Variants in IGSF3 observed in about 807,000 individuals in gnomAD.
IGSF3 encodes the protein glu-Trp-Ile EWI motif-containing protein 3.
In IGSF3, 23 loss-of-function variants were observed where a neutral mutation model predicts 114.4. The observed-to-expected ratio is 0.20, with a 90% CI of 0.14 to 0.28. The LOEUF is 0.28. Among genes scored for constraint, IGSF3 ranks in the 10% least tolerant of loss-of-function variants. IGSF3 has a pLI of 1.00. For missense variants in IGSF3, 1,172 were observed against 1,591.5 expected, an observed-to-expected ratio of 0.74 and a Z score of 4.48; for synonymous variants, 571 against 645.2, an observed-to-expected ratio of 0.88 and a Z score of 1.74.
At chr1:116,645,336 G>A (rs990583733) in intron 2 of IGSF3, among the ~76,000 whole-genome samples, 6 of 152,232 alleles carry the variant, frequency 3.9e-5, no homozygotes, top group African/African-American at 1.2e-4. Context: ...GGTCCCCTGA[G>A]GCTGGGGTCC....
chr1:116,605,330 C>A lies in IGSF3; in HGVS notation c.1223-1305G>T, dbSNP rs186474425. On this transcript the variant is annotated intron_variant, in intron 5 of 10. Transcript: ENST00000369486. The surrounding 1 kb of genome is among the most constrained non-coding windows in gnomAD (Gnocchi z 5.1). ...TTTCCCCAACAAGCAGAAACAAAGA[C>A]GAGCACTGAGCCTCCACATGTAGCT... Among the ~76,000 whole-genome samples the A allele has an allele frequency of 1.5e-4, 23 of 151,930 alleles. No individual in the cohort carries two copies. Among genetic ancestry groups the A allele is most frequent in the Non-Finnish European group, 7.4e-5 (5 of 68,008 alleles).
chr1:116,661,897 T>A lies in IGSF3; in HGVS notation c.43+4387A>T, dbSNP rs1649133056. On this transcript the variant is annotated intron_variant, in intron 2 of 10. Coordinates refer to ENST00000369486, the MANE Select transcript of IGSF3 (RefSeq NM_001007237.3). This position sits in a 1 kb window ranked among gnomAD's most constrained non-coding sequence, Gnocchi z 4.0. ...AGTGATGTATATAACTTCCAGGAAG[T>A]ATCCTTACATTAAGAGGTCCTACCC... 6.6e-6 allele frequency among the ~76,000 whole-genome samples: 1 copy of A among 152,154 alleles called. No homozygotes were observed.
At chr1:116,606,486 A>G in intron 5 of IGSF3, 2 of 1,607,784 alleles carry the variant, frequency 1.2e-6, no homozygotes, top group Non-Finnish European at 1.7e-6. Flanking sequence ...TCTTCGGCAG[A>G]CTTACCCAAG....
intron 2 of IGSF3, among the ~76,000 whole-genome samples, chr1:116,621,012 G>T (rs543487966): frequency 2.6e-5 from 4 of 152,252 alleles, no homozygotes; most frequent in Non-Finnish European, 5.9e-5. Flanking sequence ...GGGCCTGGTG[G>T]GAGGTGACCG....
intron 2 of IGSF3, among the ~76,000 whole-genome samples, chr1:116,639,464 A>G (rs568611320): frequency 1.3e-5 from 2 of 152,306 alleles, no homozygotes; most frequent in South Asian, 2.1e-4. Context: ...ACAGGTGTGG[A>G]GACAGGTCCC....
In IGSF3 at chr1:116,577,914, A is replaced by G. The variant is rs1281118009; in HGVS notation, c.3335-352T>C. 6.6e-6 allele frequency among the ~76,000 whole-genome samples: 1 copy of G among 152,120 alleles called. No individual in the cohort carries two copies. The highest frequency in any genetic ancestry group is 2.4e-5 in the African/African-American group (1 of 41,426). ...CTCTGGTTCAGTCGGAGCCTCCTGC[A>G]TGGTTGGATTTTACATGCCCCTTTG... On this transcript the variant is annotated intron_variant, in intron 10 of 10. Coordinates refer to ENST00000369486, the MANE Select transcript of IGSF3 (RefSeq NM_001007237.3). This position sits in a 1 kb window ranked among gnomAD's most constrained non-coding sequence, Gnocchi z 5.7.
At position 116,610,619 on chromosome 1, in the gene IGSF3, C is replaced by T. The variant is rs532959863; in HGVS notation, c.833-2288G>A. On this transcript the variant is annotated intron_variant, in intron 4 of 10. Transcript: ENST00000369486. The surrounding 1 kb of genome is among the most constrained non-coding windows in gnomAD (Gnocchi z 4.3). ...AAGGCTTTCCTCAAGCAGGTTGAGG[C>T]CTCTGAGCCTGCTCCATGATCCCTT... is the stretch of plus-strand genomic sequence containing the variant. Among the ~76,000 whole-genome samples the T allele has an allele frequency of 6.6e-6, 1 of 152,282 alleles. No homozygotes were observed. The highest frequency in any genetic ancestry group is 2.1e-4 in the South Asian group (1 of 4,818).
Position 116,583,134 on chromosome 1 carries a change from TTA to T in IGSF3, c.2848+1509_2848+1510del, listed in dbSNP as rs1659670018. ...CATGAGTAAAACCTACCACTCAGAG[TTA>T]TTGTGAAGACTGAACATAAGTCTCC... is the stretch of plus-strand genomic sequence containing the variant. On this transcript the variant is annotated intron_variant, in intron 9 of 10. Coordinates refer to ENST00000369486, the MANE Select transcript of IGSF3 (RefSeq NM_001007237.3). The surrounding 1 kb of genome is among the most constrained non-coding windows in gnomAD (Gnocchi z 4.5). 6.6e-6 allele frequency among the ~76,000 whole-genome samples: 1 copy of T among 152,024 alleles called. No homozygotes were observed. The highest frequency in any genetic ancestry group is 2.4e-5 in the African/African-American group (1 of 41,404).
rs1660362570 is a variant in IGSF3 at position 116,596,776 on chromosome 1, A to G, written c.2029+3165T>C. Among the ~76,000 whole-genome samples, 1 of 152,180 alleles carries G rather than the reference A, an allele frequency of 6.6e-6. No homozygotes were observed. The highest frequency in any genetic ancestry group is 1.5e-5 in the Non-Finnish European group (1 of 68,028). On this transcript the variant is annotated intron_variant, in intron 7 of 10. Transcript: ENST00000369486. The surrounding 1 kb of genome is among the most constrained non-coding windows in gnomAD (Gnocchi z 4.1). The stretch of plus-strand genomic sequence containing the variant: ...TTGAATCCTGGCTCTGCCACTTACT[A>G]TGGCACACTGGGCAATTTATGTAAC...
rs149962221 is a variant in IGSF3, at chr1:116,584,799, G to A, written c.2694C>T (p.Pro898=). ...KGRLHLESPS[P]GVYRLFIQNV... ...TCTGGATGAAGAGACGGTACACGCC[G>A]GGGGAAGGACTCTCCAAATGCAGCC... The change falls in exon 9 of 11, where the codon CCC becomes CCT. Residue 898 remains proline (P), a synonymous_variant. Transcript: ENST00000369486. The surrounding 1 kb of genome is among the most constrained non-coding windows in gnomAD (Gnocchi z 5.8). 363 of 1,614,204 alleles carry A rather than the reference G, an allele frequency of 2.2e-4. 1 individual carries two copies. In the African/African-American group the frequency reaches 2.7e-3, roughly 12 times the overall value.
intron 6 of IGSF3, among the ~76,000 whole-genome samples, chr1:116,601,845 A>T (rs1426471409): frequency 6.6e-6 from 1 of 151,318 alleles, no homozygotes; most frequent in Non-Finnish European, 1.5e-5. Flanking sequence ...ACAGAACCTC[A>T]GGGACAGGAC....
At chr1:116,630,744 G>T (rs1250824236) in intron 2 of IGSF3, among the ~76,000 whole-genome samples, 1 of 152,210 alleles carries the variant, frequency 6.6e-6, no homozygotes, top group Admixed American at 6.5e-5. Context: ...GGTGTTCCAT[G>T]GGCGTCAGGA....
chr1:116,621,710 G>A (rs1661426315), intron 2 of IGSF3, among the ~76,000 whole-genome samples: 1 of 152,070 alleles, frequency 6.6e-6, no homozygotes, highest in Admixed American at 6.5e-5. Context: ...TGGGAAAAGA[G>A]TCCATAAACT....
At chr1:116,656,969 A>C (rs1648884879) in intron 2 of IGSF3, among the ~76,000 whole-genome samples, 1 of 152,154 alleles carries the variant, frequency 6.6e-6, no homozygotes, top group Non-Finnish European at 1.5e-5. Context: ...AAAGCAAACA[A>C]ATATAAGCTA....
Position 116,655,090 on chromosome 1 carries a change from T to G in IGSF3, c.43+11194A>C, listed in dbSNP as rs1648791264. Among the ~76,000 whole-genome samples the G allele has an allele frequency of 6.6e-6, 1 of 152,234 alleles. No homozygotes were observed. The highest frequency in any genetic ancestry group is 2.4e-5 in the African/African-American group (1 of 41,458). On this transcript the variant is annotated intron_variant, in intron 2 of 10. Coordinates refer to ENST00000369486, the MANE Select transcript of IGSF3 (RefSeq NM_001007237.3). This position sits in a 1 kb window ranked among gnomAD's most constrained non-coding sequence, Gnocchi z 4.3. ...ATGTCACAGTGTATTTAATTAATCC[T>G]TCTATTTATTAAAGATTAAAAATAC...
chr1:116,641,807 C>T (rs1274390417), intron 2 of IGSF3, among the ~76,000 whole-genome samples: 9 of 151,344 alleles, frequency 5.9e-5, no homozygotes, highest in Non-Finnish European at 1.3e-4. Flanking sequence ...TCTGATGATC[C>T]TTTACAACAC....
intron 2 of IGSF3, among the ~76,000 whole-genome samples, chr1:116,620,161 T>C (rs1341866068): frequency 6.6e-6 from 1 of 151,982 alleles, no homozygotes; most frequent in African/African-American, 2.4e-5. Flanking sequence ...GCAATGGGAG[T>C]ACCTTTTGTT....
At position 116,600,431 on chromosome 1, in the gene IGSF3, A is replaced by G. The variant is rs554787416; in HGVS notation, c.1625-86T>C. The stretch of plus-strand genomic sequence containing the variant: ...ACATCAGCAATGGGGCAGCTGGCAA[A>G]GCAAGCAGTGTGGGACAGAGGCTCT... On this transcript the variant is annotated intron_variant, in intron 6 of 10. Transcript: ENST00000369486. The surrounding 1 kb of genome is among the most constrained non-coding windows in gnomAD (Gnocchi z 5.5). 152 of 1,100,142 alleles carry G rather than the reference A, an allele frequency of 1.4e-4. 2 individuals carry two copies. In the East Asian group the frequency reaches 3.6e-3, roughly 26 times the overall value. 68.1% of individuals were successfully genotyped at this position (1,100,142 alleles called of 1,614,324 possible). A position where few individuals can be genotyped will look rare whatever the true frequency, so the allele number is the denominator to read the frequency against.
chr1:116,606,718 T>C (rs991381252), intron 5 of IGSF3, among the ~76,000 whole-genome samples: 2 of 152,174 alleles, frequency 1.3e-5, no homozygotes, highest in African/African-American at 4.8e-5. Context: ...GAGTCCGTGG[T>C]TAAGGCAAGC....
Sources: gnomAD v4.1 joint callset for allele counts (sites outside exome capture counted in the v4.1 genomes callset) on GRCh38, gnomAD v4.1.1 for gene constraint, Gnocchi (gnomAD v3.1) non-coding constraint, MANE v1.5 for transcripts, NCBI Gene and HGNC (gene_info 2026-07-23, HGNC 2026-07-21) for gene names.